ANKS1B: variants seen among roughly 807,000 people sequenced by gnomAD.
ANKS1B encodes the protein ankyrin repeat and sterile alpha motif domain-containing protein 1B.
In ANKS1B, 36 loss-of-function variants were observed where a neutral mutation model predicts 148.3. That is an observed-to-expected ratio of 0.24 (90% CI 0.19 to 0.32). The LOEUF (loss-of-function observed/expected upper bound fraction) is 0.32. Among genes scored for constraint, ANKS1B ranks in the 10% least tolerant of loss-of-function variants. ANKS1B has a pLI of 1.00. For synonymous variants in ANKS1B, 542 were observed against 560.8 expected (o/e 0.97, Z 0.47); for missense variants, 1,157 against 1,542.6 (o/e 0.75, Z 4.19).
chr12:99,983,408 C>A (rs1367264576), intron 1 of ANKS1B, among the ~76,000 whole-genome samples: 1 of 152,162 alleles, frequency 6.6e-6, no homozygotes, highest in African/African-American at 2.4e-5. Flanking sequence ...CCTACGACAT[C>A]TTCACGTTAA....
At chr12:99,264,263 A>G (rs144192604) in intron 12 of ANKS1B, among the ~76,000 whole-genome samples, 1 of 152,214 alleles carries the variant, frequency 6.6e-6, no homozygotes, top group Non-Finnish European at 1.5e-5. Flanking sequence ...TCACTGCTAC[A>G]CTTTTCGTTC....
chr12:99,014,410 T>G (rs1045125013), intron 17 of ANKS1B, among the ~76,000 whole-genome samples: 2 of 151,974 alleles, frequency 1.3e-5, no homozygotes, highest in African/African-American at 4.8e-5. Context: ...AATCAAAAAC[T>G]ACAAAAACCC....
At chr12:98,776,661 C>T (rs1355160341) in intron 24 of ANKS1B, among the ~76,000 whole-genome samples, 1 of 152,178 alleles carries the variant, frequency 6.6e-6, no homozygotes, top group Admixed American at 6.5e-5. Context: ...AAATCTGCCT[C>T]TCGCCACTGC....
intron 9 of ANKS1B, among the ~76,000 whole-genome samples, chr12:99,580,252 C>G (rs144689363): frequency 2.0e-5 from 3 of 152,080 alleles, no homozygotes. Flanking sequence ...GTACTATGCT[C>G]ACTACCTGGG....
At chr12:99,861,112 C>G (rs1479932302) in intron 1 of ANKS1B, among the ~76,000 whole-genome samples, 1 of 152,184 alleles carries the variant, frequency 6.6e-6, no homozygotes, top group Non-Finnish European at 1.5e-5. Context: ...TAAAATAAAT[C>G]AGGCTGTTCC....
chr12:99,726,966 A>G (rs879229823), intron 8 of ANKS1B, among the ~76,000 whole-genome samples: 1 of 152,132 alleles, frequency 6.6e-6, no homozygotes, highest in Non-Finnish European at 1.5e-5. Context: ...CTCTCAATAA[A>G]CTAGATATTG....
At chr12:99,733,684 AC>A (rs1385590137) in intron 8 of ANKS1B, among the ~76,000 whole-genome samples, 1 of 152,202 alleles carries the variant, frequency 6.6e-6, no homozygotes, top group Non-Finnish European at 1.5e-5. Context: ...TAGGGTTTAA[AC>A]CCAGGATGTT....
chr12:98,863,998 G>A (rs533969695), intron 17 of ANKS1B, among the ~76,000 whole-genome samples: 1 of 152,242 alleles, frequency 6.6e-6, no homozygotes, highest in South Asian at 2.1e-4. Context: ...CATGCTGACT[G>A]TTGTGTCCTC....
At chr12:99,312,877 G>A (rs2083378982) in intron 12 of ANKS1B, among the ~76,000 whole-genome samples, 1 of 152,008 alleles carries the variant, frequency 6.6e-6, no homozygotes, top group Non-Finnish European at 1.5e-5. Flanking sequence ...AGAAGCAAGA[G>A]TAAATTAATC....
intron 9 of ANKS1B, among the ~76,000 whole-genome samples, chr12:99,645,175 C>A (rs914929574): frequency 2.0e-5 from 3 of 152,172 alleles, no homozygotes; most frequent in East Asian, 1.9e-4. Flanking sequence ...AAATACTTAA[C>A]CCATATTTTC....
chr12:99,570,318 C>T (rs2097439189), intron 9 of ANKS1B, among the ~76,000 whole-genome samples: 1 of 150,188 alleles, frequency 6.7e-6, no homozygotes, highest in Non-Finnish European at 1.5e-5. Flanking sequence ...TATTGTTGTT[C>T]TTGAGCTTTA....
intron 14 of ANKS1B, among the ~76,000 whole-genome samples, chr12:99,187,790 G>T (rs765111946): frequency 1.8e-4 from 28 of 151,838 alleles, no homozygotes; most frequent in Non-Finnish European, 3.2e-4. Context: ...TCAACTAATG[G>T]GCAAAATAAC....
intron 10 of ANKS1B, among the ~76,000 whole-genome samples, chr12:99,489,009 C>T (rs1438473563): frequency 2.6e-5 from 4 of 151,732 alleles, no homozygotes; most frequent in South Asian, 2.1e-4. Context: ...CTTTGGGAGG[C>T]GAGGTGGGCA....
intron 17 of ANKS1B, among the ~76,000 whole-genome samples, chr12:99,004,957 T>C (rs1456501406): frequency 6.6e-6 from 1 of 152,160 alleles, no homozygotes; most frequent in Non-Finnish European, 1.5e-5. Context: ...TGGGTGAAGA[T>C]GCATTGCTCA....
intron 17 of ANKS1B, among the ~76,000 whole-genome samples, chr12:98,878,887 G>A (rs1180413775): frequency 6.6e-6 from 1 of 152,130 alleles, no homozygotes; most frequent in African/African-American, 2.4e-5. Flanking sequence ...CAAAACCTAT[G>A]TAGTTTCGGA....
At chr12:98,846,837 A>G (rs1263866912) in intron 17 of ANKS1B, among the ~76,000 whole-genome samples, 8 of 152,254 alleles carry the variant, frequency 5.3e-5, no homozygotes, top group Non-Finnish European at 1.5e-5. Flanking sequence ...AGAACTTTGG[A>G]ATGACAGTTA....
At chr12:99,089,002 T>A (rs905047600) in intron 15 of ANKS1B, among the ~76,000 whole-genome samples, 1 of 151,860 alleles carries the variant, frequency 6.6e-6, no homozygotes, top group African/African-American at 2.4e-5. Context: ...CCCGTCACCA[T>A]GCCTGGCTAA....
intron 9 of ANKS1B, among the ~76,000 whole-genome samples, chr12:99,575,639 T>C (rs964676256): frequency 6.6e-6 from 1 of 151,988 alleles, no homozygotes. Context: ...GTGAGACTTA[T>C]TCACTACCAC....
At chr12:98,991,771 A>G (rs182088491) in intron 17 of ANKS1B, among the ~76,000 whole-genome samples, 13 of 152,340 alleles carry the variant, frequency 8.5e-5, no homozygotes, top group African/African-American at 2.9e-4. Context: ...AACCAATATT[A>G]GATTCTAGGC....
Sources: allele counts gnomAD v4.1 joint callset (sites outside exome capture counted in the v4.1 genomes callset), GRCh38; gene constraint gnomAD v4.1.1; transcripts MANE v1.5; gene names NCBI Gene and HGNC (gene_info 2026-07-23, HGNC 2026-07-21).